Variants in GAREM1 observed in about 807,000 individuals in gnomAD.
GAREM1 encodes the protein GRB2-associated and regulator of MAPK protein 1.
GAREM1 carries 26 observed loss-of-function variants against 71.3 expected under a neutral mutation model. The ratio of observed to expected loss-of-function variants is 0.36; its 90% CI spans 0.27 to 0.51. GAREM1 has a LOEUF of 0.51. GAREM1 is among the 20% of genes least tolerant of loss of function. GAREM1 has a pLI of 0.95. For missense variants in GAREM1, 1,026 were observed against 1,103.1 expected, an observed-to-expected ratio of 0.93 and a Z score of 0.99; for synonymous variants, 440 against 433.2, an observed-to-expected ratio of 1.02 and a Z score of -0.20.
intron 4 of GAREM1, among the ~76,000 whole-genome samples, chr18:32,282,483 G>T (rs2046964733): frequency 6.6e-6 from 1 of 152,176 alleles, no homozygotes; most frequent in Admixed American, 6.5e-5. Flanking sequence ...CCCCAGATAG[G>T]ACACTGCCAC....
intron 2 of GAREM1, among the ~76,000 whole-genome samples, chr18:32,387,991 G>T (rs2048164315): frequency 6.6e-6 from 1 of 152,134 alleles, no homozygotes; most frequent in African/African-American, 2.4e-5. Flanking sequence ...CAAAGTAAGG[G>T]GTACTACTTG....
At chr18:32,388,007 GGA>G (rs1458476303) in intron 2 of GAREM1, among the ~76,000 whole-genome samples, 1 of 152,146 alleles carries the variant, frequency 6.6e-6, no homozygotes, top group Non-Finnish European at 1.5e-5. Context: ...ACTTGGAATA[GGA>G]GAGTGTAGGA....
intron 4 of GAREM1, among the ~76,000 whole-genome samples, chr18:32,281,597 GCTC>G (rs1399274893): frequency 6.6e-6 from 1 of 152,182 alleles, no homozygotes; most frequent in Non-Finnish European, 1.5e-5. Flanking sequence ...TCACAAAAGA[GCTC>G]CTTTTATCAT....
At chr18:32,459,944 G>A (rs1448036376) in intron 1 of GAREM1, among the ~76,000 whole-genome samples, 1 of 151,992 alleles carries the variant, frequency 6.6e-6, no homozygotes, top group South Asian at 2.1e-4. Context: ...CTGTTATAAC[G>A]AGTGCTTTCT....
At chr18:32,433,005 A>G (rs2048638485) in intron 1 of GAREM1, among the ~76,000 whole-genome samples, 2 of 152,022 alleles carry the variant, frequency 1.3e-5, no homozygotes, top group African/African-American at 4.8e-5. Flanking sequence ...ACAATTACAC[A>G]CCAATATCCC....
At chr18:32,445,665 T>A (rs1389391470) in intron 1 of GAREM1, among the ~76,000 whole-genome samples, 1 of 152,158 alleles carries the variant, frequency 6.6e-6, no homozygotes, top group East Asian at 1.9e-4. Context: ...GTTTAACTAG[T>A]CAAAGTTCTA....
intron 3 of GAREM1, among the ~76,000 whole-genome samples, chr18:32,301,568 C>T (rs1034068506): frequency 1.4e-4 from 22 of 152,156 alleles, no homozygotes; most frequent in African/African-American, 4.3e-4. Context: ...AGAGCTAATG[C>T]GAACCAACCA....
Position 32,268,710 on chromosome 18 carries a change from A to G in GAREM1, c.1792T>C (p.Cys598Arg). ...ACAGAATCAGTTTTCACTCGGTTACATGGATAGCAGGAAACAGGAGTGCTT... is the reference window on the plus strand; with the variant it reads ...ACAGAATCAGTTTTCACTCGGTTACGTGGATAGCAGGAAACAGGAGTGCTT... ...SESTPVSCYP[C>R]NRVKTDSVDL... Residue 598 changes from cysteine (C) to arginine (R), a missense_variant, in exon 6 of 6, where the codon TGT (cysteine) becomes CGT (arginine). Cys to Arg is a radical substitution (Grantham distance 180). This residue lies in a region of GAREM1 where 636 missense variants were observed against 631.2 expected (regional missense o/e 1.01). Transcript: ENST00000269209. 1.9e-6 allele frequency: 3 copies of G among 1,614,182 alleles called. No individual in the cohort carries two copies. Among genetic ancestry groups the G allele is most frequent in the South Asian group, 1.1e-5 (1 of 91,086 alleles).
At position 32,265,541 on chromosome 18, in the gene GAREM1, C is replaced by T. The variant is rs2041361424; in HGVS notation, c.*2330G>A. 1.3e-5 allele frequency: 2 copies of T among 152,160 alleles called. No individual in the cohort carries two copies. The highest frequency in any genetic ancestry group is 2.9e-5 in the Non-Finnish European group (2 of 68,044). 9.4% of individuals were successfully genotyped at this position (152,160 alleles called of 1,614,324 possible). Reference sequence around the variant, plus strand: ...CAGGGGCTGTGTCTTTTACTCAGCACTGTAGTGATACTAGACTGTAGCATA... The same window carrying T: ...CAGGGGCTGTGTCTTTTACTCAGCATTGTAGTGATACTAGACTGTAGCATA... On this transcript the variant is annotated 3_prime_UTR_variant, in exon 6 of 6. Transcript: ENST00000269209.
At chr18:32,421,953 C>T (rs1471340145) in intron 1 of GAREM1, among the ~76,000 whole-genome samples, 1 of 152,004 alleles carries the variant, frequency 6.6e-6, no homozygotes, top group Non-Finnish European at 1.5e-5. Flanking sequence ...CCTCTGTACA[C>T]ACTTCCCTCT....
intron 2 of GAREM1, among the ~76,000 whole-genome samples, chr18:32,357,385 C>A (rs1270373451): frequency 6.6e-6 from 1 of 152,210 alleles, no homozygotes; most frequent in Non-Finnish European, 1.5e-5. Context: ...TTTAAACTCT[C>A]AAGACACCTG....
chr18:32,301,893 G>T (rs1479123545), intron 3 of GAREM1, among the ~76,000 whole-genome samples: 6 of 152,138 alleles, frequency 3.9e-5, no homozygotes, highest in Non-Finnish European at 5.9e-5. Flanking sequence ...CTATTAATAA[G>T]ATATAAAAAG....
At position 32,470,191 on chromosome 18, in the gene GAREM1, C is replaced by G; in HGVS notation, c.121+117G>C. On this transcript the variant is annotated intron_variant, in intron 1 of 5. Coordinates refer to ENST00000269209, the MANE Select transcript of GAREM1 (RefSeq NM_001242409.2). The surrounding 1 kb of genome is among the most constrained non-coding windows in gnomAD (Gnocchi z 4.4). Reference sequence around the variant, plus strand: ...CGGCAGCCGCTCGGGCCAACTCCGGCGCTCAGGGGCGGGCAGCCCACTCCC... The same window carrying G: ...CGGCAGCCGCTCGGGCCAACTCCGGGGCTCAGGGGCGGGCAGCCCACTCCC... The G allele has an allele frequency of 8.1e-7, 1 of 1,234,540 alleles. No homozygotes were observed. Among genetic ancestry groups the G allele is most frequent in the Non-Finnish European group, 1.0e-6 (1 of 973,044 alleles). The allele number at this position is 1,234,540 out of a possible 1,614,324, so 76.5% of individuals were successfully genotyped here.
intron 2 of GAREM1, among the ~76,000 whole-genome samples, chr18:32,343,059 G>A (rs1184535413): frequency 6.6e-6 from 1 of 152,204 alleles, no homozygotes; most frequent in South Asian, 2.1e-4. Flanking sequence ...CAAATGGTAA[G>A]AACATTGCTA....
chr18:32,379,705 T>TAAA (rs1212821363), intron 2 of GAREM1, among the ~76,000 whole-genome samples: 1 of 140,452 alleles, frequency 7.1e-6, no homozygotes, highest in African/African-American at 2.6e-5. Context: ...ACTTGGTCTT[T>TAAA]AAAAAAAAAA....
At chr18:32,384,466 C>A (rs1258255048) in intron 2 of GAREM1, among the ~76,000 whole-genome samples, 1 of 152,092 alleles carries the variant, frequency 6.6e-6, no homozygotes, top group Non-Finnish European at 1.5e-5. Flanking sequence ...CAATTTTTTC[C>A]TTTTTATTAC....
intron 1 of GAREM1, among the ~76,000 whole-genome samples, chr18:32,419,786 A>G (rs147129399): frequency 4.6e-4 from 70 of 152,332 alleles, no homozygotes; most frequent in African/African-American, 1.6e-3. Flanking sequence ...ACATGCTAAT[A>G]CAGGAAGGAA....
intron 1 of GAREM1, among the ~76,000 whole-genome samples, chr18:32,449,895 A>C (rs2144290404): frequency 6.6e-6 from 1 of 152,290 alleles, no homozygotes; most frequent in South Asian, 2.1e-4. Flanking sequence ...CAATGTCTAC[A>C]TAAAAAGCTT....
At position 32,288,097 on chromosome 18, in the gene GAREM1, G is replaced by A; in HGVS notation, c.500C>T (p.Thr167Ile). Residue 167 changes from threonine (T) to isoleucine (I), a missense_variant, in exon 4 of 6, where the codon ACA (threonine) becomes ATA (isoleucine). This residue lies in a region of GAREM1 where 218 missense variants were observed against 296.8 expected (regional missense o/e 0.73). Coordinates refer to ENST00000269209, the MANE Select transcript of GAREM1 (RefSeq NM_001242409.2). ...GTTGAGTCGTGACTTTTCCTTGAAT[G>A]TCTTTGCATAAAGGATTTCTGCCTG... is the stretch of plus-strand genomic sequence containing the variant. ...MGQAEILYAK[T>I]FKEKSRLNTI... The A allele has an allele frequency of 1.2e-6, 2 of 1,614,058 alleles. No homozygotes were observed. The highest frequency in any genetic ancestry group is 1.3e-5 in the African/African-American group (1 of 75,032).
Sources: gnomAD v4.1 joint callset for allele counts (sites outside exome capture counted in the v4.1 genomes callset) on GRCh38, gnomAD v4.1.1 for gene constraint, gnomAD v4.1.1 regional missense constraint, Gnocchi (gnomAD v3.1) non-coding constraint, MANE v1.5 for transcripts, NCBI Gene and HGNC (gene_info 2026-07-23, HGNC 2026-07-21) for gene names.